LOC400499: variants seen among roughly 807,000 people sequenced by gnomAD.
At chr16:11,415,102 C>T in the LOC400499 span, among the ~76,000 whole-genome samples, 1 of 152,170 alleles carries the variant, frequency 6.6e-6, no homozygotes, top group African/African-American at 2.4e-5. Context: ...GACGTCTGCT[C>T]CCCACAAATG....
the LOC400499 span, chr16:11,398,643 AC>A: frequency 1.4e-5 from 8 of 587,130 alleles, no homozygotes; most frequent in Admixed American, 1.4e-4. Flanking sequence ...CAGCCACAGC[AC>A]CCCCTTACAC....
chr16:11,516,925 C>A, the LOC400499 span, among the ~76,000 whole-genome samples: 2 of 152,338 alleles, frequency 1.3e-5, no homozygotes, highest in South Asian at 4.1e-4. Flanking sequence ...GGATTACAGG[C>A]GTAAGCCACC....
chr16:11,486,891 G>T, the LOC400499 span, among the ~76,000 whole-genome samples: 3 of 109,584 alleles, frequency 2.7e-5, no homozygotes, highest in African/African-American at 1.1e-4. Context: ...GGGGTGGGGG[G>T]CTGGATGAAT....
the LOC400499 span, among the ~76,000 whole-genome samples, chr16:11,409,467 C>G: frequency 6.6e-6 from 1 of 152,098 alleles, no homozygotes; most frequent in South Asian, 2.1e-4. Context: ...AGTGACAATT[C>G]TGAGTAGTTG....
chr16:11,390,069 G>A, the LOC400499 span: 56 of 1,201,296 alleles, frequency 4.7e-5, no homozygotes, highest in Non-Finnish European at 5.7e-5. Flanking sequence ...TATGTGGCAG[G>A]CACGCAGGAT....
the LOC400499 span, among the ~76,000 whole-genome samples, chr16:11,519,368 G>A: frequency 1.3e-5 from 2 of 152,218 alleles, no homozygotes; most frequent in African/African-American, 4.8e-5. Context: ...AGTGGAGGGT[G>A]GGGAGGGGGT....
At chr16:11,466,581 G>A in the LOC400499 span, among the ~76,000 whole-genome samples, 38 of 152,082 alleles carry the variant, frequency 2.5e-4, no homozygotes, top group Admixed American at 9.2e-4. Context: ...TAGAGACGGG[G>A]TTTTGCCATG....
At chr16:11,516,261 G>A in the LOC400499 span, 16 of 399,504 alleles carry the variant, frequency 4.0e-5, no homozygotes, top group Admixed American at 1.8e-4. Context: ...TGGGCCACAC[G>A]CCCAGAGTGC....
chr16:11,441,198 G>C, the LOC400499 span: 16 of 397,442 alleles, frequency 4.0e-5, no homozygotes, highest in Non-Finnish European at 5.3e-5. Flanking sequence ...GGGTTATGGA[G>C]CAGTCTACAC....
chr16:11,446,486 C>A, the LOC400499 span: 1 of 1,426,656 alleles, frequency 7.0e-7, no homozygotes, highest in African/African-American at 1.4e-5. Context: ...TCCTATTGAG[C>A]GATGACAGCA....
chr16:11,454,933 C>A, the LOC400499 span, among the ~76,000 whole-genome samples: 1 of 152,228 alleles, frequency 6.6e-6, no homozygotes, highest in African/African-American at 2.4e-5. Flanking sequence ...TGCAACTGGT[C>A]GTCTTTGGAG....
chr16:11,467,687 C>T, the LOC400499 span, among the ~76,000 whole-genome samples: 354 of 152,282 alleles, frequency 2.3e-3, no homozygotes, highest in Non-Finnish European at 4.3e-3. Context: ...ATGATACCTG[C>T]CTCCCTCAAA....
the LOC400499 span, among the ~76,000 whole-genome samples, chr16:11,455,062 C>G: frequency 1.3e-5 from 2 of 152,114 alleles, no homozygotes; most frequent in African/African-American, 4.8e-5. Context: ...GCTGAAAATT[C>G]TGTAATTAGT....
the LOC400499 span, among the ~76,000 whole-genome samples, chr16:11,481,404 C>A: frequency 6.6e-6 from 1 of 152,292 alleles, no homozygotes; most frequent in East Asian, 1.9e-4. Flanking sequence ...TTCACTGCAA[C>A]CTCTGCCTCT....
chr16:11,413,720 ATCT>A, the LOC400499 span, among the ~76,000 whole-genome samples: 12 of 151,900 alleles, frequency 7.9e-5, no homozygotes, highest in African/African-American at 2.7e-4. Flanking sequence ...GACCATCAGC[ATCT>A]TCTTCTTCAT....
the LOC400499 span, among the ~76,000 whole-genome samples, chr16:11,378,420 C>T: frequency 1.3e-4 from 20 of 152,102 alleles, no homozygotes; most frequent in African/African-American, 3.4e-4. Context: ...CCTGCCACCA[C>T]GCCTGGCTAA....
the LOC400499 span, among the ~76,000 whole-genome samples, chr16:11,515,032 G>A: frequency 1.3e-5 from 2 of 152,276 alleles, no homozygotes; most frequent in Middle Eastern, 3.4e-3. Flanking sequence ...AGGGGCGGGC[G>A]TGGTGGCTCA....
the LOC400499 span, among the ~76,000 whole-genome samples, chr16:11,430,770 T>C: frequency 0.034 from 5,157 of 152,290 alleles, 279 homozygotes; most frequent in African/African-American, 0.11. Flanking sequence ...CCTGGAGATA[T>C]ACAATGTCCA....
chr16:11,457,451 G>T, the LOC400499 span, among the ~76,000 whole-genome samples: 2 of 151,854 alleles, frequency 1.3e-5, no homozygotes, highest in Non-Finnish European at 2.9e-5. Flanking sequence ...AAATTAGCCG[G>T]GCATGGTGGT....
Sources: gnomAD v4.1 joint callset for allele counts (sites outside exome capture counted in the v4.1 genomes callset) on GRCh38, gnomAD v4.1.1 for gene constraint, MANE v1.5 for transcripts.